PTPA: variants seen among roughly 807,000 people sequenced by gnomAD.
PTPA encodes serine/threonine-protein phosphatase 2A activator.
Under a neutral mutation model 43.6 loss-of-function variants are expected in PTPA, and 13 were observed. The observed-to-expected ratio is 0.30, with a 90% confidence interval of 0.19 to 0.47. The LOEUF (loss-of-function observed/expected upper bound fraction) is 0.47. PTPA is among the 20% of genes least tolerant of loss of function. PTPA has a pLI of 0.99. For missense variants in PTPA, 329 were observed against 411.9 expected (o/e 0.80, Z 1.74); for synonymous variants, 172 against 158.2 (o/e 1.09, Z -0.66).
chr9:129,134,604 A>G (rs749105095), intron 5 of PTPA, among the ~76,000 whole-genome samples, 191 bp from the exon 6 acceptor site: 14 of 152,092 alleles, frequency 9.2e-5, no homozygotes, highest in Admixed American at 2.0e-4. Context: ...ATGCACGGCC[A>G]GTACTGGTAT....
chr9:129,116,179 G>A (rs1013653528), intron 1 of PTPA, among the ~76,000 whole-genome samples: 3 of 150,874 alleles, frequency 2.0e-5, no homozygotes, highest in Non-Finnish European at 2.9e-5. Flanking sequence ...TCGCCACCAC[G>A]CCTGACTAAT....
chr9:129,146,437 C>CT (rs1302381137), intron 9 of PTPA, among the ~76,000 whole-genome samples: 8 of 152,240 alleles, frequency 5.3e-5, no homozygotes. Flanking sequence ...CCGTTTGTCT[C>CT]TAAGTTAGTT....
Position 129,123,144 on chromosome 9 carries a change from C to T in PTPA, c.216+6C>T, listed in dbSNP as rs771819946. The stretch of plus-strand genomic sequence containing the variant: ...TCGAGTACAGAGTCTCCGAGGTAGG[C>T]CCAAGGAGGAGCTGCTGCAGCAGCC... On this transcript the variant is annotated splice_donor_region_variant and intron_variant, in intron 3 of 9. Coordinates refer to ENST00000393370, the MANE Select transcript of PTPA (RefSeq NM_178000.3). 2 of 1,599,312 alleles carry T rather than the reference C, an allele frequency of 1.3e-6. No individual in the cohort carries two copies. The highest frequency in any genetic ancestry group is 4.5e-5 in the East Asian group (2 of 44,784).
At chr9:129,144,878 T>TAA (rs1236235937) in intron 9 of PTPA, among the ~76,000 whole-genome samples, 2 of 150,886 alleles carry the variant, frequency 1.3e-5, no homozygotes, top group Non-Finnish European at 3.0e-5. Flanking sequence ...ACTAAAAATA[T>TAA]AAAAATTAGC....
At chr9:129,145,791 T>C (rs1197628743) in intron 9 of PTPA, among the ~76,000 whole-genome samples, 1 of 152,092 alleles carries the variant, frequency 6.6e-6, no homozygotes, top group Non-Finnish European at 1.5e-5. Context: ...AGAAGGACCT[T>C]GTCAGGACCC....
chr9:129,122,590 G>A (rs1000693913), intron 2 of PTPA, among the ~76,000 whole-genome samples: 2 of 152,200 alleles, frequency 1.3e-5, no homozygotes, highest in African/African-American at 4.8e-5. Flanking sequence ...GGTACTCCTT[G>A]AATTCCTGGT....
intron 9 of PTPA, among the ~76,000 whole-genome samples, chr9:129,144,844 G>C (rs771849138): frequency 1.2e-4 from 18 of 151,122 alleles, no homozygotes; most frequent in Non-Finnish European, 2.4e-4. Context: ...ACCAACCTGG[G>C]CAACATGAGG....
chr9:129,142,746 C>T (rs1304567866), intron 9 of PTPA, 194 bp downstream of exon 9: 7 of 1,536,610 alleles, frequency 4.6e-6, no homozygotes, highest in African/African-American at 2.7e-5. Context: ...CAGAGAAGCA[C>T]CAGCCACCCC....
intron 4 of PTPA, among the ~76,000 whole-genome samples, chr9:129,131,247 C>T (rs1849945136): frequency 6.6e-6 from 1 of 152,238 alleles, no homozygotes; most frequent in Non-Finnish European, 1.5e-5. Context: ...TGAGTTACCA[C>T]ATGGGAGGGT....
rs148213389 is a variant in PTPA at position 129,139,810 on chromosome 9, A to G, written c.786+2118A>G. 3.4e-4 allele frequency among the ~76,000 whole-genome samples: 51 copies of G among 152,034 alleles called. No individual in the cohort carries two copies. The East Asian group carries it at 9.3e-3, about 28-fold the overall frequency. Reference sequence around the variant, plus strand: ...AAAACACCGAGAACTTGGGAGTGGAATCAGGCAGCCCTTTCAGGGTCTCAT... The same window carrying G: ...AAAACACCGAGAACTTGGGAGTGGAGTCAGGCAGCCCTTTCAGGGTCTCAT... On this transcript the variant is annotated intron_variant, in intron 8 of 9. Coordinates refer to ENST00000393370, the MANE Select transcript of PTPA (RefSeq NM_178000.3).
intron 9 of PTPA, 121 bp from the exon 10 acceptor site, chr9:129,147,265 TC>T (rs1851367127): frequency 1.1e-6 from 1 of 879,508 alleles, no homozygotes; most frequent in Non-Finnish European, 1.8e-6. Flanking sequence ...GCCTGGGGGA[TC>T]CCCTGGCGGG....
At chr9:129,147,147 G>T (rs894474443) in intron 9 of PTPA, among the ~76,000 whole-genome samples, 1 of 151,158 alleles carries the variant, frequency 6.6e-6, no homozygotes, top group East Asian at 2.0e-4. Context: ...CTCTCTTCTC[G>T]GTTTCTACCT....
chr9:129,126,233 C>T (rs1414857436), intron 3 of PTPA, among the ~76,000 whole-genome samples: 2 of 151,496 alleles, frequency 1.3e-5, no homozygotes, highest in Non-Finnish European at 2.9e-5. Flanking sequence ...GAGTCTTGTT[C>T]CCCAGGCTGG....
chr9:129,137,999 C>T (rs924847908), intron 8 of PTPA: 8 of 352,948 alleles, frequency 2.3e-5, no homozygotes, highest in South Asian at 5.0e-5. Context: ...AGGGTCGGGG[C>T]GGGCGGAGGT....
rs757931542 is a variant in PTPA at position 129,137,689 on chromosome 9, C to T, written c.783C>T (p.Thr261=). 2.8e-5 allele frequency: 44 copies of T among 1,598,956 alleles called. No homozygotes were observed. The highest frequency in any genetic ancestry group is 3.3e-4 in the Middle Eastern group (2 of 6,066). ...YMFLECILFI[T]EMKTGPFAEH... is the part of the protein sequence containing the mutation. Reference sequence around the variant, plus strand: ...TCCTGGAGTGTATCCTGTTTATTACCGAGGTGAGGAGGAGGGGTGAGAGAG... The same window carrying T: ...TCCTGGAGTGTATCCTGTTTATTACTGAGGTGAGGAGGAGGGGTGAGAGAG... Residue 261 remains threonine, a synonymous_variant, in exon 8 of 10, where the codon ACC becomes ACT. Transcript: ENST00000393370.
chr9:129,113,292 A>G (rs1349019116), intron 1 of PTPA, among the ~76,000 whole-genome samples: 3 of 151,624 alleles, frequency 2.0e-5, no homozygotes, highest in African/African-American at 4.8e-5. Flanking sequence ...GGGTTTCACC[A>G]TATTGGCCAG....
intron 9 of PTPA, among the ~76,000 whole-genome samples, chr9:129,146,651 A>G (rs1851321293): frequency 1.3e-5 from 2 of 152,170 alleles, no homozygotes; most frequent in African/African-American, 2.4e-5. Context: ...TGTGGCAGGC[A>G]TGGGGGTGCT....
chr9:129,135,382 G>C (rs1448664755), intron 6 of PTPA, among the ~76,000 whole-genome samples: 1 of 151,904 alleles, frequency 6.6e-6, no homozygotes, highest in Admixed American at 6.6e-5. Context: ...GACAGAGTGA[G>C]ACTCTGTCTT....
chr9:129,142,720 C>G lies in PTPA; in HGVS notation c.894+168C>G, dbSNP rs1362322498. On this transcript the variant is annotated intron_variant, in intron 9 of 9. Coordinates refer to ENST00000393370, the MANE Select transcript of PTPA (RefSeq NM_178000.3). ...CACTTGGGGCCTCGGAATCTCCCAT[C>G]TGGGGCATGGGCAGTCAGAGAAGCA... is the stretch of plus-strand genomic sequence containing the variant. 5.8e-6 allele frequency: 9 copies of G among 1,539,288 alleles called. No individual in the cohort carries two copies. In the African/African-American group the frequency reaches 6.8e-5, roughly 12 times the overall value.
Sources: allele counts gnomAD v4.1 joint callset (sites outside exome capture counted in the v4.1 genomes callset), GRCh38; gene constraint gnomAD v4.1.1; transcripts MANE v1.5; gene names NCBI Gene and HGNC (gene_info 2026-07-23, HGNC 2026-07-21).